Variants in DOCK4 observed in about 807,000 individuals in gnomAD.
DOCK4 encodes dedicator of cytokinesis protein 4.
In DOCK4, 97 loss-of-function variants were observed where a neutral mutation model predicts 268.1. The ratio of observed to expected loss-of-function variants is 0.36; its 90% CI spans 0.31 to 0.43. The LOEUF is 0.43. Ranked by LOEUF, DOCK4 falls within the 20% of genes least tolerant of loss-of-function variation. The pLI, the probability that DOCK4 is intolerant of heterozygous loss-of-function variation, is 1.00. For synonymous variants in DOCK4, 954 were observed against 887.2 expected (o/e 1.08, Z -1.34); for missense variants, 2,145 against 2,455.7 (o/e 0.87, Z 2.67).
intron 1 of DOCK4, among the ~76,000 whole-genome samples, chr7:112,042,230 T>G (rs1488760106): frequency 6.6e-6 from 1 of 152,240 alleles, no homozygotes; most frequent in Non-Finnish European, 1.5e-5. Context: ...CTGAGGATGC[T>G]TATTCCTCAT....
intron 30 of DOCK4, among the ~76,000 whole-genome samples, chr7:111,796,432 T>C (rs1191307276): frequency 6.6e-6 from 1 of 152,234 alleles, no homozygotes. Context: ...TTTTCCTTTT[T>C]AAGTTTTTCT....
At chr7:111,897,237 G>A (rs757853944) in intron 15 of DOCK4, among the ~76,000 whole-genome samples, 8 of 151,590 alleles carry the variant, frequency 5.3e-5, no homozygotes, top group Non-Finnish European at 8.8e-5. Context: ...CAAATTATTC[G>A]TCCTCATCTT....
chr7:111,955,354 T>C (rs1156717204), intron 8 of DOCK4, among the ~76,000 whole-genome samples: 1 of 152,236 alleles, frequency 6.6e-6, no homozygotes, highest in Non-Finnish European at 1.5e-5. Context: ...GATGATGTTT[T>C]CTTTTAAAAA....
At chr7:111,751,849 C>A (rs529980635) in intron 42 of DOCK4, among the ~76,000 whole-genome samples, 1 of 152,182 alleles carries the variant, frequency 6.6e-6, no homozygotes, top group East Asian at 1.9e-4. Flanking sequence ...AACTCCTGGG[C>A]TCCAGTGATC....
chr7:112,043,680 G>T (rs1390725615), intron 1 of DOCK4, among the ~76,000 whole-genome samples: 1 of 151,916 alleles, frequency 6.6e-6, no homozygotes, highest in Non-Finnish European at 1.5e-5. Context: ...GCGAATGTCA[G>T]GGAATGAACA....
chr7:112,117,798 G>A (rs1366882551), intron 1 of DOCK4, among the ~76,000 whole-genome samples: 2 of 152,202 alleles, frequency 1.3e-5, no homozygotes, highest in Admixed American at 6.5e-5. Context: ...CAGCATTCGT[G>A]TTATGGCAGA....
At chr7:111,899,868 G>C (rs1020203521) in intron 15 of DOCK4, among the ~76,000 whole-genome samples, 1 of 152,230 alleles carries the variant, frequency 6.6e-6, no homozygotes, top group Non-Finnish European at 1.5e-5. Flanking sequence ...AAGTTGCAGA[G>C]AGCTGAGATT....
At chr7:111,859,846 C>T (rs1805353773) in intron 23 of DOCK4, among the ~76,000 whole-genome samples, 1 of 152,142 alleles carries the variant, frequency 6.6e-6, no homozygotes, top group African/African-American at 2.4e-5. Context: ...GGATTACAGG[C>T]GTGAGCCACC....
At chr7:112,010,391 T>C (rs556028182) in intron 1 of DOCK4, among the ~76,000 whole-genome samples, 13 of 152,338 alleles carry the variant, frequency 8.5e-5, no homozygotes, top group African/African-American at 1.4e-4. Context: ...TTCTTCTTTA[T>C]TCCCTTCAGT....
At chr7:112,159,427 C>T (rs909384161) in intron 1 of DOCK4, among the ~76,000 whole-genome samples, 4 of 152,150 alleles carry the variant, frequency 2.6e-5, no homozygotes, top group Non-Finnish European at 5.9e-5. Flanking sequence ...ATAGCCCAAC[C>T]TGGTCTGGCA....
rs200128047 is a variant in DOCK4 at position 111,728,687 on chromosome 7, C to G, written c.5515G>C (p.Glu1839Gln). 1 of 1,613,560 alleles carries G rather than the reference C, an allele frequency of 6.2e-7. No individual in the cohort carries two copies. The highest frequency in any genetic ancestry group is 1.3e-5 in the African/African-American group (1 of 75,048). The stretch of plus-strand genomic sequence containing the variant: ...GAGATGAGTCCTGGCGAGTGGTACT[C>G]CACTGGAGAGGGGGTGAAAGACTGC... ...SVQSFTPSPV[E>Q]YHSPGLISNS... The change falls in exon 53 of 53, where the codon GAG becomes CAG. Residue 1839 changes from glutamate (E) to glutamine (Q), a missense_variant. Physicochemically the swap from Glu to Gln is conservative, Grantham distance 29. Transcript: ENST00000428084.
intron 1 of DOCK4, among the ~76,000 whole-genome samples, chr7:112,038,863 A>G (rs181385361): frequency 1.6e-3 from 237 of 152,362 alleles, no homozygotes; most frequent in African/African-American, 5.3e-3. Context: ...AAGCTATTCC[A>G]ACTCGACAGG....
chr7:112,206,220 A>T lies in DOCK4; in HGVS notation c.-82T>A. On this transcript the variant is annotated 5_prime_UTR_variant, in exon 1 of 53. Transcript: ENST00000428084. ...TCACAACAATGCACAGTCCCCGAGCAGCGCTGCAGTGCCGGAGCCCAGCGG... is the reference window on the plus strand; with the variant it reads ...TCACAACAATGCACAGTCCCCGAGCTGCGCTGCAGTGCCGGAGCCCAGCGG... 1 of 1,452,824 alleles carries T rather than the reference A, an allele frequency of 6.9e-7. No individual in the cohort carries two copies. Among genetic ancestry groups the T allele is most frequent in the Non-Finnish European group, 9.4e-7 (1 of 1,059,650 alleles). The allele number at this position is 1,452,824 out of a possible 1,614,324, so 90.0% of individuals were successfully genotyped here. A position where few individuals can be genotyped will look rare whatever the true frequency, so the allele number is the denominator to read the frequency against.
chr7:112,085,165 A>G (rs536777137), intron 1 of DOCK4, among the ~76,000 whole-genome samples: 2 of 152,274 alleles, frequency 1.3e-5, no homozygotes, highest in South Asian at 2.1e-4. Context: ...TAACATGGTA[A>G]CATTTGGCAA....
In DOCK4 at chr7:111,877,012, T is replaced by G; in HGVS notation, c.1744+18A>C. 4 of 1,458,948 alleles carry G rather than the reference T, an allele frequency of 2.7e-6. No individual in the cohort carries two copies. The highest frequency in any genetic ancestry group is 3.6e-6 in the Non-Finnish European group (4 of 1,099,058). 90.4% of individuals were successfully genotyped at this position (1,458,948 alleles called of 1,614,324 possible). On this transcript the variant is annotated intron_variant, in intron 17 of 52. Coordinates refer to ENST00000428084, the MANE Select transcript of DOCK4 (RefSeq NM_001363540.2). ...ATTATTAGGTACTAGGGCTTTCAAA[T>G]AAAACATTATACATTACCATTTTGT...
At chr7:111,856,825 A>G (rs1488766333) in intron 23 of DOCK4, among the ~76,000 whole-genome samples, 1 of 152,200 alleles carries the variant, frequency 6.6e-6, no homozygotes, top group African/African-American at 2.4e-5. Flanking sequence ...GGCTTTCTTG[A>G]GGTCCCAGGT....
chr7:111,758,991 T>C (rs757984817), intron 40 of DOCK4, among the ~76,000 whole-genome samples: 3 of 152,182 alleles, frequency 2.0e-5, no homozygotes, highest in Non-Finnish European at 4.4e-5. Context: ...CTTGAACTAG[T>C]TCTAGGTAGG....
chr7:112,073,741 T>C (rs931992314), intron 1 of DOCK4, among the ~76,000 whole-genome samples: 1 of 152,030 alleles, frequency 6.6e-6, no homozygotes, highest in Non-Finnish European at 1.5e-5. Context: ...GGACTGTGAG[T>C]ATCAGAGGCT....
chr7:111,753,943 TTTATCA>T (rs1266294584), intron 42 of DOCK4, among the ~76,000 whole-genome samples: 1 of 152,222 alleles, frequency 6.6e-6, no homozygotes, highest in East Asian at 1.9e-4. Flanking sequence ...TAATGCTCCT[TTTATCA>T]TTATCAGCAT....
Sources: allele counts gnomAD v4.1 joint callset (sites outside exome capture counted in the v4.1 genomes callset), GRCh38; gene constraint gnomAD v4.1.1; transcripts MANE v1.5; gene names NCBI Gene and HGNC (gene_info 2026-07-23, HGNC 2026-07-21).